The following SRGAP3 variants were observed in gnomAD, a reference collection of about 807,000 sequenced individuals.
SRGAP3 encodes the protein SLIT-ROBO Rho GTPase activating protein 3, also known as SLIT-ROBO Rho GTPase-activating protein 3.
SRGAP3 carries 39 observed loss-of-function variants against 121.1 expected under a neutral mutation model. The observed-to-expected ratio is 0.32, with a 90% confidence interval of 0.25 to 0.42. SRGAP3 has a LOEUF of 0.42. SRGAP3 is among the 10% of genes least tolerant of loss of function. The pLI is 1.00. For missense variants in SRGAP3, 1,213 were observed against 1,470.6 expected (o/e 0.82, Z 2.86); for synonymous variants, 601 against 570.0 (o/e 1.05, Z -0.77).
intron 1 of SRGAP3, among the ~76,000 whole-genome samples, chr3:9,200,981 G>A (rs1470142771): frequency 1.3e-5 from 2 of 152,162 alleles, no homozygotes; most frequent in Non-Finnish European, 2.9e-5. Context: ...AATGCACCGA[G>A]GGAGGCCCTG....
chr3:9,207,933 A>G (rs1439009698), intron 1 of SRGAP3, among the ~76,000 whole-genome samples: 1 of 152,192 alleles, frequency 6.6e-6, no homozygotes, highest in Admixed American at 6.5e-5. Context: ...ACATAATTCC[A>G]GGCCAGGCCT....
At chr3:9,139,854 G>A (rs927531714) in intron 1 of SRGAP3, among the ~76,000 whole-genome samples, 9 of 152,142 alleles carry the variant, frequency 5.9e-5, no homozygotes, top group African/African-American at 1.2e-4. Context: ...TTGTAGAGGA[G>A]TCAGCTGAGG....
At chr3:9,296,255 A>G (rs186368627) in intron 3 of SRGAP3, among the ~76,000 whole-genome samples, 142 of 152,286 alleles carry the variant, frequency 9.3e-4, no homozygotes, top group African/African-American at 3.2e-3. Flanking sequence ...TACATCCCCA[A>G]CAGCAATGCG....
intron 2 of SRGAP3, among the ~76,000 whole-genome samples, chr3:9,110,885 C>A (rs1177955182): frequency 6.6e-6 from 1 of 152,242 alleles, no homozygotes; most frequent in Non-Finnish European, 1.5e-5. Flanking sequence ...GGACTCAGCA[C>A]AGCAGTAGAG....
At chr3:9,002,119 A>G (rs1487045704) in intron 18 of SRGAP3, among the ~76,000 whole-genome samples, 1 of 152,204 alleles carries the variant, frequency 6.6e-6, no homozygotes, top group Non-Finnish European at 1.5e-5. Context: ...ATTCTTTCTA[A>G]CTGCACATGG....
chr3:9,195,167 T>C (rs982453643), intron 1 of SRGAP3, among the ~76,000 whole-genome samples: 2 of 152,192 alleles, frequency 1.3e-5, no homozygotes, highest in Non-Finnish European at 2.9e-5. Context: ...ACCATAAAGA[T>C]CCAATAACCA....
chr3:9,275,897 T>G (rs1045737080), intron 3 of SRGAP3, among the ~76,000 whole-genome samples: 1 of 152,104 alleles, frequency 6.6e-6, no homozygotes, highest in Non-Finnish European at 1.5e-5. Flanking sequence ...TAGAATCTAC[T>G]GCTAAAAAAA....
At chr3:9,265,924 TA>T (rs1278412542) in intron 3 of SRGAP3, among the ~76,000 whole-genome samples, 1 of 152,154 alleles carries the variant, frequency 6.6e-6, no homozygotes, top group Non-Finnish European at 1.5e-5. Context: ...CATGCACACG[TA>T]TATTTATTGA....
intron 7 of SRGAP3, 23 bp from the exon 8 acceptor site, chr3:9,056,357 C>T (rs1225216913): frequency 1.2e-6 from 2 of 1,609,208 alleles, no homozygotes; most frequent in African/African-American, 1.3e-5. Flanking sequence ...CAGCCACCAT[C>T]TGTGGTTGCC....
chr3:9,090,056 T>A (rs1265093016), intron 3 of SRGAP3, among the ~76,000 whole-genome samples: 1 of 152,066 alleles, frequency 6.6e-6, no homozygotes, highest in East Asian at 1.9e-4. Context: ...GTTTACAGGA[T>A]CCCATACATT....
At chr3:9,076,602 T>A (rs1208129601) in intron 4 of SRGAP3, among the ~76,000 whole-genome samples, 1 of 152,192 alleles carries the variant, frequency 6.6e-6, no homozygotes, top group Non-Finnish European at 1.5e-5. Flanking sequence ...TCTCATTCCC[T>A]CTGCTTCTTT....
At chr3:9,350,601 T>G (rs1559288730) in intron 1 of SRGAP3, among the ~76,000 whole-genome samples, 2 of 152,234 alleles carry the variant, frequency 1.3e-5, no homozygotes, top group Non-Finnish European at 2.9e-5. Flanking sequence ...GCTTCCACAT[T>G]ATTTCAAATG....
At chr3:9,123,096 G>A (rs1949074765) in intron 2 of SRGAP3, among the ~76,000 whole-genome samples, 1 of 152,154 alleles carries the variant, frequency 6.6e-6, no homozygotes, top group African/African-American at 2.4e-5. Context: ...GACAAATATT[G>A]TATAATTGCA....
At chr3:9,307,232 C>T (rs905440463) in intron 3 of SRGAP3, among the ~76,000 whole-genome samples, 5 of 152,222 alleles carry the variant, frequency 3.3e-5, no homozygotes, top group Admixed American at 1.3e-4. Context: ...CCTCAGCCTC[C>T]CAAAGTGCTG....
At position 9,240,626 on chromosome 3, in the gene SRGAP3, A is replaced by G. The variant is rs531787569; in HGVS notation, c.67+8259T>C. ...TACGCTACAGCAATGAACCAAGCAG[A>G]TAAACCTTCCACCGTCATGGAGAGA... On this transcript the variant is annotated intron_variant, in intron 1 of 21. Transcript: ENST00000383836. 2.0e-5 allele frequency among the ~76,000 whole-genome samples: 3 copies of G among 152,338 alleles called. No individual in the cohort carries two copies. In the East Asian group the frequency reaches 5.8e-4, roughly 29 times the overall value.
At chr3:9,225,685 A>G (rs1952961524) in intron 1 of SRGAP3, among the ~76,000 whole-genome samples, 2 of 152,126 alleles carry the variant, frequency 1.3e-5, no homozygotes, top group Non-Finnish European at 2.9e-5. Context: ...TGGCACCTTA[A>G]GGTCACAACA....
At chr3:9,001,649 GATAAA>G (rs747702496) in intron 18 of SRGAP3, among the ~76,000 whole-genome samples, 20 of 152,184 alleles carry the variant, frequency 1.3e-4, no homozygotes, top group Middle Eastern at 3.4e-3. Context: ...TAACAGACTG[GATAAA>G]ATAAAATAAT....
intron 1 of SRGAP3, among the ~76,000 whole-genome samples, chr3:9,192,336 G>A (rs1951777690): frequency 6.6e-6 from 1 of 152,188 alleles, no homozygotes; most frequent in South Asian, 2.1e-4. Context: ...GCCTGTTTTT[G>A]TTTACCTGGA....
intron 1 of SRGAP3, among the ~76,000 whole-genome samples, chr3:9,350,654 C>T (rs1003562058): frequency 1.3e-5 from 2 of 152,188 alleles, no homozygotes; most frequent in Non-Finnish European, 2.9e-5. Flanking sequence ...TCTGAATAGA[C>T]TTTCTGAATA....
Sources: gnomAD v4.1 joint callset for allele counts (sites outside exome capture counted in the v4.1 genomes callset) on GRCh38, gnomAD v4.1.1 for gene constraint, MANE v1.5 for transcripts, NCBI Gene and HGNC (gene_info 2026-07-23, HGNC 2026-07-21) for gene names.